Variants in TNFAIP8L1 observed in about 807,000 individuals in gnomAD.
The protein encoded by TNFAIP8L1 is tumor necrosis factor alpha-induced protein 8-like protein 1.
For missense variants in TNFAIP8L1, 225 were observed against 266.1 expected (o/e 0.85, Z 1.08); for synonymous variants, 127 against 125.6 (o/e 1.01, Z -0.08).
chr19:4,642,772 A>C (rs905834013), intron 1 of TNFAIP8L1, among the ~76,000 whole-genome samples: 1 of 151,806 alleles, frequency 6.6e-6, no homozygotes, highest in Non-Finnish European at 1.5e-5. Flanking sequence ...GGGACAGGGC[A>C]GGGTGCGCAG....
In TNFAIP8L1 at chr19:4,644,224, AAAAAT is replaced by A. The variant is rs548523155; in HGVS notation, c.-4+4605_-4+4609del. Among the ~76,000 whole-genome samples the A allele has an allele frequency of 5.2e-3, 764 of 146,994 alleles. 4 individuals are homozygous for A. The highest frequency in any genetic ancestry group is 9.1e-3 in the South Asian group (43 of 4,734). On this transcript the variant is annotated intron_variant, in intron 1 of 1. Coordinates refer to ENST00000327473, the MANE Select transcript of TNFAIP8L1 (RefSeq NM_152362.3). ...CAACAAGAGTGAAACTCCGTCTCAA[AAAAAT>A]AAAATAAAAATAAAATAAAATGGAC...
chr19:4,650,257 A>C (rs1161011900), intron 1 of TNFAIP8L1, among the ~76,000 whole-genome samples: 1 of 151,658 alleles, frequency 6.6e-6, no homozygotes, highest in African/African-American at 2.4e-5. Flanking sequence ...TTGGGGGCCA[A>C]AGTGATGGGG....
intron 1 of TNFAIP8L1, among the ~76,000 whole-genome samples, chr19:4,650,336 C>G (rs2088350359): frequency 6.6e-6 from 1 of 151,824 alleles, no homozygotes; most frequent in South Asian, 2.1e-4. Flanking sequence ...AGGAGTTCAC[C>G]AGGGAGGAGA....
intron 1 of TNFAIP8L1, 140 bp from the exon 2 acceptor site, chr19:4,651,727 C>T (rs941419424): frequency 1.1e-6 from 1 of 938,230 alleles, no homozygotes; most frequent in South Asian, 1.9e-5. Context: ...GGATTACAGG[C>T]GTGAGCCACT....
chr19:4,655,564 C>T lies in TNFAIP8L1; in HGVS notation c.*3134C>T, dbSNP rs1282514472. ...AATTTAAATAAAAGCACACACCAGC[C>T]TGGGCGCAGTGGCTCATGTCAGTTA... On this transcript the variant is annotated 3_prime_UTR_variant, in exon 2 of 2. Coordinates refer to ENST00000327473, the MANE Select transcript of TNFAIP8L1 (RefSeq NM_152362.3). The T allele has an allele frequency of 6.6e-6, 1 of 152,188 alleles. No individual in the cohort carries two copies. The highest frequency in any genetic ancestry group is 2.4e-5 in the African/African-American group (1 of 41,438). The allele number at this position is 152,188 out of a possible 1,614,324, so 9.4% of individuals were successfully genotyped here. A position where few individuals can be genotyped will look rare whatever the true frequency, so the allele number is the denominator to read the frequency against.
At position 4,651,956 on chromosome 19, in the gene TNFAIP8L1, G is replaced by A. The variant is rs2088369070; in HGVS notation, c.87G>A (p.Val29=). Residue 29 remains valine (V), a synonymous_variant, in exon 2 of 2, where the codon GTG becomes GTA. Transcript: ENST00000327473. Reference sequence around the variant, plus strand: ...TGGCGTCCAAGGCAGTGGTGGCCGTGCTGGTGGATGACACCAGCAGTGAGG... The same window carrying A: ...TGGCGTCCAAGGCAGTGGTGGCCGTACTGGTGGATGACACCAGCAGTGAGG... ...SKMASKAVVA[V]LVDDTSSEVL... The A allele has an allele frequency of 1.2e-6, 2 of 1,613,996 alleles. No individual in the cohort carries two copies. The highest frequency in any genetic ancestry group is 1.7e-6 in the Non-Finnish European group (2 of 1,180,004).
intron 1 of TNFAIP8L1, among the ~76,000 whole-genome samples, chr19:4,644,366 G>T (rs536507224): frequency 6.9e-6 from 1 of 145,762 alleles, no homozygotes; most frequent in Admixed American, 7.0e-5. Context: ...ATAGCAAGAC[G>T]CCATGTCTAC....
intron 1 of TNFAIP8L1, among the ~76,000 whole-genome samples, chr19:4,643,565 C>T (rs1351192013): frequency 1.3e-5 from 2 of 152,226 alleles, no homozygotes; most frequent in Admixed American, 1.3e-4. Flanking sequence ...CCTGAGGGTG[C>T]TGGGGAACCC....
chr19:4,646,854 T>C (rs965892421), intron 1 of TNFAIP8L1, among the ~76,000 whole-genome samples: 12 of 152,286 alleles, frequency 7.9e-5, no homozygotes, highest in African/African-American at 2.9e-4. Flanking sequence ...ATGGTCTCGA[T>C]CTCCTGACCT....
At chr19:4,640,999 G>A (rs568856194) in intron 1 of TNFAIP8L1, 3 of 152,062 alleles carry the variant, frequency 2.0e-5, no homozygotes, top group Non-Finnish European at 4.4e-5. Context: ...TACAGGTGGT[G>A]GGTGAGTGCC....
chr19:4,651,767 A>G, intron 1 of TNFAIP8L1, 100 bp from the exon 2 acceptor site: 1 of 1,349,352 alleles, frequency 7.4e-7, no homozygotes, highest in Non-Finnish European at 1.0e-6. Flanking sequence ...TTAAAGAAAC[A>G]AATTCCGTTA....
intron 1 of TNFAIP8L1, among the ~76,000 whole-genome samples, chr19:4,644,493 T>G (rs2088291462): frequency 6.6e-6 from 1 of 151,308 alleles, no homozygotes; most frequent in East Asian, 1.9e-4. Flanking sequence ...TATAGTGAGC[T>G]ATAATGGTAC....
chr19:4,642,705 G>T (rs80071484), intron 1 of TNFAIP8L1, among the ~76,000 whole-genome samples: 1,916 of 150,548 alleles, frequency 0.013, 32 homozygotes, highest in South Asian at 0.045. Context: ...CAGCAAGGAG[G>T]CCCGTGGGGC....
Position 4,652,444 on chromosome 19 carries a change from C to T in TNFAIP8L1, c.*14C>T, listed in dbSNP as rs2088378988. ...GGCAGCCTCTGAACCCCGGCGCCGC[C>T]CAACCGCGCCCCTCGCGCCTTTTGG... On this transcript the variant is annotated 3_prime_UTR_variant, in exon 2 of 2. Coordinates refer to ENST00000327473, the MANE Select transcript of TNFAIP8L1 (RefSeq NM_152362.3). 3 of 1,495,766 alleles carry T rather than the reference C, an allele frequency of 2.0e-6. No individual in the cohort carries two copies. The highest frequency in any genetic ancestry group is 2.2e-5 in the Admixed American group (1 of 45,144). The allele number at this position is 1,495,766 out of a possible 1,614,324, so 92.7% of individuals were successfully genotyped here. A position where few individuals can be genotyped will look rare whatever the true frequency, so the allele number is the denominator to read the frequency against.
intron 1 of TNFAIP8L1, among the ~76,000 whole-genome samples, chr19:4,651,102 C>T (rs958173449): frequency 5.9e-5 from 9 of 152,020 alleles, no homozygotes; most frequent in Admixed American, 5.9e-4. Flanking sequence ...TGAACAGCCC[C>T]GGGTCTGGGG....
Position 4,641,621 on chromosome 19 carries a change from C to T in TNFAIP8L1, c.-4+1992C>T, listed in dbSNP as rs1342530406. 6.6e-6 allele frequency: 1 copy of T among 152,046 alleles called. No individual in the cohort carries two copies. Among genetic ancestry groups the T allele is most frequent in the Non-Finnish European group, 1.5e-5 (1 of 68,034 alleles). 9.4% of individuals were successfully genotyped at this position (152,046 alleles called of 1,614,324 possible). A position where few individuals can be genotyped will look rare whatever the true frequency, so the allele number is the denominator to read the frequency against. ...TCCCCATCTGTCCAATGGGGCTGGTCATCTCCTTTTTCTTGTGGGGCTGAG... is the reference window on the plus strand; with the variant it reads ...TCCCCATCTGTCCAATGGGGCTGGTTATCTCCTTTTTCTTGTGGGGCTGAG... On this transcript the variant is annotated intron_variant, in intron 1 of 1. Transcript: ENST00000327473. The surrounding 1 kb of genome is among the most constrained non-coding windows in gnomAD (Gnocchi z 4.6).
chr19:4,647,028 A>G (rs1229987635), intron 1 of TNFAIP8L1, among the ~76,000 whole-genome samples: 1 of 152,116 alleles, frequency 6.6e-6, no homozygotes, highest in Non-Finnish European at 1.5e-5. Flanking sequence ...TCCACGCTGG[A>G]GCTTGTGTGT....
rs2088410496 is a variant in TNFAIP8L1, at chr19:4,655,019, T to G, written c.*2589T>G. The G allele has an allele frequency of 6.6e-6, 1 of 152,180 alleles. No individual in the cohort carries two copies. Among genetic ancestry groups the G allele is most frequent in the African/African-American group, 2.4e-5 (1 of 41,422 alleles). 9.4% of individuals were successfully genotyped at this position (152,180 alleles called of 1,614,324 possible). A position where few individuals can be genotyped will look rare whatever the true frequency, so the allele number is the denominator to read the frequency against. Reference sequence around the variant, plus strand: ...ATTCAGTATTTGAGACATTTGGAATTTGTCTGCATTTAAAACCAAGAGATC... The same window carrying G: ...ATTCAGTATTTGAGACATTTGGAATGTGTCTGCATTTAAAACCAAGAGATC... On this transcript the variant is annotated 3_prime_UTR_variant, in exon 2 of 2. Transcript: ENST00000327473.
At position 4,652,312 on chromosome 19, in the gene TNFAIP8L1, G is replaced by A. The variant is rs1599830701; in HGVS notation, c.443G>A (p.Gly148Asp). ...CACGGCCGCATCAACCACGTGTTCG[G>A]CCACCTAGCCGACTGCGACTTCCTG... ...KSHGRINHVF[G>D]HLADCDFLAA... The change falls in exon 2 of 2, where the codon GGC becomes GAC. Residue 148 changes from glycine (G) to aspartate (D), a missense_variant. Gly to Asp is a moderately conservative substitution (Grantham distance 94). Transcript: ENST00000327473. 1.3e-6 allele frequency: 2 copies of A among 1,559,398 alleles called. No individual in the cohort carries two copies. Among genetic ancestry groups the A allele is most frequent in the Non-Finnish European group, 8.7e-7 (1 of 1,154,404 alleles).
Sources: gnomAD v4.1 joint callset for allele counts (sites outside exome capture counted in the v4.1 genomes callset) on GRCh38, gnomAD v4.1.1 for gene constraint, Gnocchi (gnomAD v3.1) non-coding constraint, MANE v1.5 for transcripts, NCBI Gene and HGNC (gene_info 2026-07-23, HGNC 2026-07-21) for gene names.